KHDRBS2: variants seen among roughly 807,000 people sequenced by gnomAD.
The protein encoded by KHDRBS2 is KH RNA binding domain containing, signal transduction associated 2, also known as KH domain-containing, RNA-binding, signal transduction-associated protein 2.
Under a neutral mutation model 44.3 loss-of-function variants are expected in KHDRBS2, and 26 were observed. That is an observed-to-expected ratio of 0.59 (90% CI 0.43 to 0.81). The LOEUF is 0.81. Among genes scored for constraint, KHDRBS2 ranks in the 40% least tolerant of loss-of-function variants. The pLI is 0.00. For synonymous variants in KHDRBS2, 194 were observed against 151.1 expected (o/e 1.28, Z -2.08); for missense variants, 476 against 433.1 (o/e 1.10, Z -0.88).
chr6:62,019,445 C>A (rs1162460121), intron 3 of KHDRBS2, among the ~76,000 whole-genome samples: 1 of 151,920 alleles, frequency 6.6e-6, no homozygotes, highest in Non-Finnish European at 1.5e-5. Flanking sequence ...GGTATCAGGG[C>A]AATGCTGGCA....
chr6:61,997,954 T>G (rs1777529722), intron 3 of KHDRBS2, among the ~76,000 whole-genome samples: 2 of 152,146 alleles, frequency 1.3e-5, no homozygotes, highest in African/African-American at 4.8e-5. Flanking sequence ...ACAAAGAAAT[T>G]GGAGCCTAAA....
At chr6:61,649,489 C>T in the KHDRBS2 span, among the ~76,000 whole-genome samples, 1 of 152,086 alleles carries the variant, frequency 6.6e-6, no homozygotes, top group Non-Finnish European at 1.5e-5. Flanking sequence ...ATCTTTGGCT[C>T]ATTTATATAA....
chr6:62,159,510 GT>G (rs1404807157), intron 2 of KHDRBS2, among the ~76,000 whole-genome samples: 1 of 152,022 alleles, frequency 6.6e-6, no homozygotes, highest in Non-Finnish European at 1.5e-5. Flanking sequence ...CCATTATACA[GT>G]AACTGTGCTT....
chr6:61,908,567 G>C (rs1296796198), intron 4 of KHDRBS2, among the ~76,000 whole-genome samples: 3 of 151,226 alleles, frequency 2.0e-5, no homozygotes, highest in South Asian at 2.1e-4. Context: ...CCGGCAGGCG[G>C]AGCTTGCAGT....
At chr6:61,628,162 C>T in the KHDRBS2 span, among the ~76,000 whole-genome samples, 1 of 146,316 alleles carries the variant, frequency 6.8e-6, no homozygotes, top group African/African-American at 2.5e-5. Flanking sequence ...TCCCATAAAC[C>T]TCTTATGTGC....
At chr6:61,751,317 A>G (rs554087684) in intron 6 of KHDRBS2, among the ~76,000 whole-genome samples, 1 of 152,298 alleles carries the variant, frequency 6.6e-6, no homozygotes, top group East Asian at 1.9e-4. Context: ...CACATTTGTA[A>G]TCATCTGAGT....
intron 2 of KHDRBS2, among the ~76,000 whole-genome samples, chr6:62,169,061 A>ATATATATATATATATATG (rs1331640910): frequency 7.1e-6 from 1 of 140,534 alleles, no homozygotes; most frequent in African/African-American, 2.6e-5. Context: ...ATATATATAT[A>ATATATATATATATATATG]TGTATACATG....
chr6:62,283,213 GTAACAATCAA>G (rs1490386016), intron 1 of KHDRBS2, among the ~76,000 whole-genome samples: 3 of 152,064 alleles, frequency 2.0e-5, no homozygotes, highest in Admixed American at 1.3e-4. Flanking sequence ...ACTCTTCTGA[GTAACAATCAA>G]CTGAAATCAT....
intron 8 of KHDRBS2, among the ~76,000 whole-genome samples, chr6:61,695,392 T>C (rs866379164): frequency 2.0e-5 from 3 of 152,182 alleles, no homozygotes; most frequent in Non-Finnish European, 4.4e-5. Flanking sequence ...CCCAAAGTCT[T>C]ATCTGTTTCC....
the KHDRBS2 span, among the ~76,000 whole-genome samples, chr6:61,581,994 T>C: frequency 6.6e-6 from 1 of 151,792 alleles, no homozygotes; most frequent in Non-Finnish European, 1.5e-5. Context: ...AACTTAGAGA[T>C]TTTTTAAAAA....
At chr6:62,153,494 A>AT (rs35432340) in intron 2 of KHDRBS2, among the ~76,000 whole-genome samples, 91,588 of 151,730 alleles carry the variant, frequency 0.6, 27,828 homozygotes, top group Non-Finnish European at 0.62. Context: ...CAGCCTTTAT[A>AT]TTTTTTTTAA....
intron 6 of KHDRBS2, among the ~76,000 whole-genome samples, chr6:61,864,326 G>A (rs533105118): frequency 6.6e-6 from 1 of 152,118 alleles, no homozygotes; most frequent in Non-Finnish European, 1.5e-5. Flanking sequence ...CATGATGCAA[G>A]GTGGTTATTT....
chr6:61,723,229 A>C (rs1022922633), intron 7 of KHDRBS2, among the ~76,000 whole-genome samples: 4 of 152,136 alleles, frequency 2.6e-5, no homozygotes, highest in African/African-American at 9.6e-5. Flanking sequence ...AACCCCATTC[A>C]ATGGTTTGCA....
chr6:62,040,188 C>T (rs1288835317), intron 3 of KHDRBS2, among the ~76,000 whole-genome samples: 1 of 151,762 alleles, frequency 6.6e-6, no homozygotes, highest in Admixed American at 6.6e-5. Context: ...GTTGTAAATA[C>T]AATACAATAC....
chr6:61,849,586 T>C (rs1795147524), intron 6 of KHDRBS2, among the ~76,000 whole-genome samples: 1 of 152,084 alleles, frequency 6.6e-6, no homozygotes, highest in African/African-American at 2.4e-5. Flanking sequence ...GTTTTAACTA[T>C]TACCTTTTCA....
intron 4 of KHDRBS2, among the ~76,000 whole-genome samples, chr6:61,924,608 A>G (rs912335677): frequency 2.6e-5 from 4 of 151,746 alleles, no homozygotes; most frequent in African/African-American, 9.7e-5. Flanking sequence ...TATTTTTATC[A>G]TTGTATAGAT....
At chr6:61,954,456 T>A (rs1765601172) in intron 4 of KHDRBS2, among the ~76,000 whole-genome samples, 1 of 139,758 alleles carries the variant, frequency 7.2e-6, no homozygotes, top group African/African-American at 2.6e-5. Context: ...TACGTATGTA[T>A]GTATGTATAC....
chr6:61,834,404 A>G (rs1272818386), intron 6 of KHDRBS2, among the ~76,000 whole-genome samples: 2 of 152,132 alleles, frequency 1.3e-5, no homozygotes, highest in Non-Finnish European at 2.9e-5. Context: ...TGTAAATGTA[A>G]TCACTTAGCA....
the KHDRBS2 span, among the ~76,000 whole-genome samples, chr6:61,554,728 A>C: frequency 6.6e-6 from 1 of 152,154 alleles, no homozygotes; most frequent in Non-Finnish European, 1.5e-5. Context: ...GATAGCATTT[A>C]CTTGCCTGAA....
Sources: gnomAD v4.1 joint callset for allele counts (sites outside exome capture counted in the v4.1 genomes callset) on GRCh38, gnomAD v4.1.1 for gene constraint, MANE v1.5 for transcripts, NCBI Gene and HGNC (gene_info 2026-07-23, HGNC 2026-07-21) for gene names.